PCDHGA10: variants seen among roughly 807,000 people sequenced by gnomAD.
PCDHGA10 encodes the protein protocadherin gamma-A10.
A neutral mutation model predicts 59.5 loss-of-function variants in PCDHGA10; 42 were observed. The observed-to-expected ratio is 0.71, with a 90% CI of 0.55 to 0.91. The LOEUF (loss-of-function observed/expected upper bound fraction) is 0.91. PCDHGA10 is among the 40% of genes least tolerant of loss of function. The pLI is 0.00. For missense variants in PCDHGA10, 1,111 were observed against 1,198.2 expected, an observed-to-expected ratio of 0.93 and a Z score of 1.07; for synonymous variants, 511 against 517.2, an observed-to-expected ratio of 0.99 and a Z score of 0.16.
At chr5:141,507,442 C>T (rs748782097) in intron 3 of PCDHGA10, among the ~76,000 whole-genome samples, 1 of 152,162 alleles carries the variant, frequency 6.6e-6, no homozygotes, top group African/African-American at 2.4e-5. Flanking sequence ...CTACAGCTGA[C>T]GGAAGGACAG....
Position 141,490,509 on chromosome 5 carries a change from G to A in PCDHGA10, c.2437-4298G>A. 6.2e-7 allele frequency: 1 copy of A among 1,614,072 alleles called. No individual in the cohort carries two copies. On this transcript the variant is annotated intron_variant, in intron 1 of 3. Transcript: ENST00000398610. The surrounding 1 kb of genome is among the most constrained non-coding windows in gnomAD (Gnocchi z 5.4). ...AGGCCACATCCCACTATATCATCGA[G>A]CTGCTGGCCAGCGATGCTGGTTCAC...
In PCDHGA10 at chr5:141,431,819, A is replaced by C. The variant is rs2097420237; in HGVS notation, c.2436+16208A>C. On this transcript the variant is annotated intron_variant, in intron 1 of 3. Transcript: ENST00000398610. The surrounding 1 kb of genome is among the most constrained non-coding windows in gnomAD (Gnocchi z 4.8). ...AGAAGTGGTCCTCACCTCTCTCGCC[A>C]GCTCGGTTCCCGAAAACTCTCCCAG... 6.2e-7 allele frequency: 1 copy of C among 1,614,154 alleles called. No individual in the cohort carries two copies. Among genetic ancestry groups the C allele is most frequent in the Admixed American group, 1.7e-5 (1 of 60,018 alleles).
At chr5:141,427,707 T>C in intron 1 of PCDHGA10, 1 of 1,011,828 alleles carries the variant, frequency 9.9e-7, no homozygotes, top group Non-Finnish European at 1.5e-6. Context: ...AGTCAGCGCC[T>C]CTGACCTGGA....
At chr5:141,441,790 A>G in intron 1 of PCDHGA10, 1 of 391,228 alleles carries the variant, frequency 2.6e-6, no homozygotes, top group South Asian at 2.0e-5. Context: ...CTGAATGACA[A>G]CGCACCGCGG....
At position 141,414,458 on chromosome 5, in the gene PCDHGA10, C is replaced by T. The variant is rs2095749873; in HGVS notation, c.1283C>T (p.Ala428Val). 9 of 1,613,698 alleles carry T rather than the reference C, an allele frequency of 5.6e-6. No homozygotes were observed. The highest frequency in any genetic ancestry group is 6.8e-6 in the Non-Finnish European group (8 of 1,179,842). The change falls in exon 1 of 4, where the codon GCC becomes GTC. Residue 428 changes from alanine (A) to valine (V), a missense_variant. Transcript: ENST00000398610. Reference protein sequence around the residue: ...QVSSYNITVTATDGGSPPLST... With the variant: ...QVSSYNITVTVTDGGSPPLST... ...TCCTCTTACAATATCACAGTGACAG[C>T]CACAGATGGGGGAAGTCCTCCTCTA...
chr5:141,417,004 AT>A (rs1462550813), intron 1 of PCDHGA10: 1 of 149,888 alleles, frequency 6.7e-6, no homozygotes, highest in African/African-American at 2.5e-5. Context: ...ATCTCAAATA[AT>A]TCTATTATTT....
At chr5:141,503,005 G>A (rs915064303) in intron 2 of PCDHGA10, among the ~76,000 whole-genome samples, 16 of 145,340 alleles carry the variant, frequency 1.1e-4, no homozygotes, top group African/African-American at 2.3e-4. Flanking sequence ...CACCATGCCC[G>A]GTTAATTTTT....
intron 1 of PCDHGA10, chr5:141,423,839 A>C: frequency 7.8e-7 from 1 of 1,279,970 alleles, no homozygotes; most frequent in Admixed American, 3.8e-5. Flanking sequence ...AGATTACGAT[A>C]ATCTTTCAGA....
chr5:141,414,451 G>C lies in PCDHGA10; in HGVS notation c.1276G>C (p.Val426Leu), dbSNP rs1390702349. 1.9e-6 allele frequency: 3 copies of C among 1,613,874 alleles called. No individual in the cohort carries two copies. The highest frequency in any genetic ancestry group is 2.5e-6 in the Non-Finnish European group (3 of 1,179,864). Residue 426 changes from valine (V) to leucine (L), a missense_variant, in exon 1 of 4, where the codon GTG (valine) becomes CTG (leucine). Transcript: ENST00000398610. ...ACAGGTATCCTCTTACAATATCACA[G>C]TGACAGCCACAGATGGGGGAAGTCC... ...REQVSSYNIT[V>L]TATDGGSPPL...
At chr5:141,482,561 T>C (rs1411268228) in intron 1 of PCDHGA10, among the ~76,000 whole-genome samples, 3 of 136,978 alleles carry the variant, frequency 2.2e-5, no homozygotes, top group African/African-American at 8.6e-5. Flanking sequence ...ATAATGGAGA[T>C]CTGCATAGCA....
intron 2 of PCDHGA10, among the ~76,000 whole-genome samples, chr5:141,504,451 G>A (rs2099838355): frequency 1.3e-5 from 2 of 152,070 alleles, no homozygotes; most frequent in South Asian, 4.2e-4. Context: ...CTAGTGCCAT[G>A]TGGGGCAGCC....
chr5:141,476,711 G>C lies in PCDHGA10; in HGVS notation c.2437-18096G>C. 1 of 1,614,194 alleles carries C rather than the reference G, an allele frequency of 6.2e-7. No individual in the cohort carries two copies. The highest frequency in any genetic ancestry group is 8.5e-7 in the Non-Finnish European group (1 of 1,180,042). On this transcript the variant is annotated intron_variant, in intron 1 of 3. Coordinates refer to ENST00000398610, the MANE Select transcript of PCDHGA10 (RefSeq NM_018913.3). This position sits in a 1 kb window ranked among gnomAD's most constrained non-coding sequence, Gnocchi z 7.6. ...CACCAAGTACGCGGAGCTGGTGTTG[G>C]AGCGCGCCCTGGACCGAGAACGGGA...
At position 141,485,576 on chromosome 5, in the gene PCDHGA10, C is replaced by A; in HGVS notation, c.2437-9231C>A. 1 of 1,612,412 alleles carries A rather than the reference C, an allele frequency of 6.2e-7. No individual in the cohort carries two copies. The highest frequency in any genetic ancestry group is 8.5e-7 in the Non-Finnish European group (1 of 1,178,628). On this transcript the variant is annotated intron_variant, in intron 1 of 3. Transcript: ENST00000398610. The surrounding 1 kb of genome is among the most constrained non-coding windows in gnomAD (Gnocchi z 5.7). ...GAATGATCACGCCCCCCGTTTTCCGCGGCAGCAGCTGGACTTGGAAATTGG... is the reference window on the plus strand; with the variant it reads ...GAATGATCACGCCCCCCGTTTTCCGAGGCAGCAGCTGGACTTGGAAATTGG...
chr5:141,469,128 T>C (rs567164869), intron 1 of PCDHGA10, among the ~76,000 whole-genome samples: 1 of 151,692 alleles, frequency 6.6e-6, no homozygotes, highest in East Asian at 1.9e-4. Context: ...ATTTAAAAAT[T>C]AGCCAGAAAT....
At position 141,472,488 on chromosome 5, in the gene PCDHGA10, C is replaced by T. The variant is rs183545662; in HGVS notation, c.2437-22319C>T. 4.0e-3 allele frequency among the ~76,000 whole-genome samples: 607 copies of T among 151,768 alleles called. 6 individuals carry two copies. The highest frequency in any genetic ancestry group is 0.011 in the Admixed American group (174 of 15,254). On this transcript the variant is annotated intron_variant, in intron 1 of 3. Coordinates refer to ENST00000398610, the MANE Select transcript of PCDHGA10 (RefSeq NM_018913.3). Reference sequence around the variant, plus strand: ...CCAGAAGGCAGAGCTTGCAGTGAGACGAGATCGTGCCACTGCACTCCAGCC... The same window carrying T: ...CCAGAAGGCAGAGCTTGCAGTGAGATGAGATCGTGCCACTGCACTCCAGCC...
At chr5:141,508,440 T>C (rs2099868879) in intron 3 of PCDHGA10, among the ~76,000 whole-genome samples, 1 of 152,186 alleles carries the variant, frequency 6.6e-6, no homozygotes, top group African/African-American at 2.4e-5. Context: ...CACAGTTCCT[T>C]AGTGGCAGAG....
chr5:141,498,053 G>A (rs2099781284), intron 2 of PCDHGA10, among the ~76,000 whole-genome samples: 1 of 152,204 alleles, frequency 6.6e-6, no homozygotes, highest in Non-Finnish European at 1.5e-5. Flanking sequence ...AAATAAATGT[G>A]AGACTGAAAC....
At position 141,477,068 on chromosome 5, in the gene PCDHGA10, C is replaced by A; in HGVS notation, c.2437-17739C>A. 6.2e-7 allele frequency: 1 copy of A among 1,614,268 alleles called. No homozygotes were observed. The highest frequency in any genetic ancestry group is 8.5e-7 in the Non-Finnish European group (1 of 1,180,046). On this transcript the variant is annotated intron_variant, in intron 1 of 3. Transcript: ENST00000398610. This position sits in a 1 kb window ranked among gnomAD's most constrained non-coding sequence, Gnocchi z 4.9. ...GCTGGACTTCGAGGACACCAAACTCCATGAGATTTACATCCAGGCCAAAGA... is the reference window on the plus strand; with the variant it reads ...GCTGGACTTCGAGGACACCAAACTCAATGAGATTTACATCCAGGCCAAAGA...
chr5:141,500,176 A>ATTTT (rs1468241826), intron 2 of PCDHGA10, among the ~76,000 whole-genome samples: 91 of 145,916 alleles, frequency 6.2e-4, no homozygotes, highest in African/African-American at 2.3e-3. Context: ...CATGAGCTTC[A>ATTTT]TTTTTATTTT....
Sources: allele counts gnomAD v4.1 joint callset (sites outside exome capture counted in the v4.1 genomes callset), GRCh38; gene constraint gnomAD v4.1.1; non-coding constraint Gnocchi (gnomAD v3.1); transcripts MANE v1.5; gene names NCBI Gene and HGNC (gene_info 2026-07-23, HGNC 2026-07-21).